GMDS: variants seen among roughly 807,000 people sequenced by gnomAD.
GMDS encodes the protein GDP-mannose 4,6 dehydratase.
In GMDS, 20 loss-of-function variants were observed where a neutral mutation model predicts 49.9. That is an observed-to-expected ratio of 0.40 (90% CI 0.28 to 0.58). The LOEUF is 0.58. Among genes scored for constraint, GMDS ranks in the 20% least tolerant of loss-of-function variants. GMDS has a pLI of 0.42. For missense variants in GMDS, 362 were observed against 481.4 expected, an observed-to-expected ratio of 0.75 and a Z score of 2.32; for synonymous variants, 177 against 178.6, an observed-to-expected ratio of 0.99 and a Z score of 0.07.
At chr6:1,695,694 G>A (rs1765312936) in intron 9 of GMDS, among the ~76,000 whole-genome samples, 1 of 152,132 alleles carries the variant, frequency 6.6e-6, no homozygotes, top group African/African-American at 2.4e-5. Flanking sequence ...GCTTTTCCCT[G>A]CAAGGCCCCT....
At chr6:1,627,269 T>C (rs1762873561) in intron 9 of GMDS, among the ~76,000 whole-genome samples, 1 of 152,232 alleles carries the variant, frequency 6.6e-6, no homozygotes, top group Non-Finnish European at 1.5e-5. Context: ...AGTCAATGGT[T>C]CATCCTGCAA....
At chr6:1,973,665 T>C (rs1219986117) in intron 4 of GMDS, among the ~76,000 whole-genome samples, 1 of 152,210 alleles carries the variant, frequency 6.6e-6, no homozygotes, top group Non-Finnish European at 1.5e-5. Context: ...AATATTATTA[T>C]AAAGTTTTAC....
rs1210456971 is a variant in GMDS, at chr6:2,229,408, C to CAAA, written c.102+15910_102+15912dup. ...GCAACATAGAGAGACCCTGTTTCTA[C>CAAA]AAAAAAAAAAAAAAAAAAAATACAA... On this transcript the variant is annotated intron_variant, in intron 1 of 10. Coordinates refer to ENST00000380815, the MANE Select transcript of GMDS (RefSeq NM_001500.4). 3.7e-4 allele frequency among the ~76,000 whole-genome samples: 33 copies of CAAA among 89,208 alleles called. 1 individual carries two copies. The highest frequency in any genetic ancestry group is 9.9e-4 in the African/African-American group (26 of 26,302). The allele number at this position is 89,208 out of a possible 152,430, so 58.5% of individuals were successfully genotyped here. A position where few individuals can be genotyped will look rare whatever the true frequency, so the allele number is the denominator to read the frequency against.
chr6:1,872,099 C>T (rs962510687), intron 7 of GMDS, among the ~76,000 whole-genome samples: 1 of 152,226 alleles, frequency 6.6e-6, no homozygotes, highest in Admixed American at 6.5e-5. Flanking sequence ...CATCCATGGT[C>T]CTCTCTATCC....
At chr6:2,214,674 C>A (rs997809895) in intron 1 of GMDS, among the ~76,000 whole-genome samples, 2 of 152,034 alleles carry the variant, frequency 1.3e-5, no homozygotes, top group African/African-American at 4.8e-5. Context: ...TCTTTTTTTA[C>A]ATAAATTTTC....
At chr6:1,790,321 A>C (rs980605630) in intron 7 of GMDS, among the ~76,000 whole-genome samples, 3 of 152,238 alleles carry the variant, frequency 2.0e-5, no homozygotes, top group Non-Finnish European at 4.4e-5. Flanking sequence ...ATGCCTCCAA[A>C]GTCTCCATGG....
At chr6:1,830,271 C>T (rs2113723293) in intron 7 of GMDS, among the ~76,000 whole-genome samples, 1 of 152,316 alleles carries the variant, frequency 6.6e-6, no homozygotes, top group Non-Finnish European at 1.5e-5. Flanking sequence ...AACCTAGGCA[C>T]TACTGACATT....
chr6:1,930,316 G>A (rs1762231970), intron 6 of GMDS, 86 bp from the exon 7 acceptor site: 1 of 1,112,508 alleles, frequency 9.0e-7, no homozygotes, highest in Admixed American at 2.0e-5. Context: ...TTCGGCCTCT[G>A]GGCATTTCTT....
At chr6:1,682,220 A>G (rs1210910833) in intron 9 of GMDS, among the ~76,000 whole-genome samples, 1 of 152,208 alleles carries the variant, frequency 6.6e-6, no homozygotes, top group Non-Finnish European at 1.5e-5. Flanking sequence ...ATTTTATTCT[A>G]TAATTTATTT....
At chr6:1,719,136 G>A (rs1228766303) in intron 9 of GMDS, among the ~76,000 whole-genome samples, 1 of 152,218 alleles carries the variant, frequency 6.6e-6, no homozygotes, top group Non-Finnish European at 1.5e-5. Context: ...AACCTGGTAA[G>A]CATTTGTCTA....
chr6:1,699,173 T>A (rs1245132474), intron 9 of GMDS, among the ~76,000 whole-genome samples: 1 of 151,928 alleles, frequency 6.6e-6, no homozygotes, highest in Non-Finnish European at 1.5e-5. Context: ...CATGGAGGCA[T>A]GGGTGAGAGG....
intron 4 of GMDS, among the ~76,000 whole-genome samples, chr6:2,042,615 T>C (rs4959629): frequency 5.9e-5 from 9 of 151,810 alleles, no homozygotes; most frequent in Admixed American, 5.3e-4. Flanking sequence ...GCTTAAAAAA[T>C]TTTTTTTAAG....
chr6:2,208,242 A>G (rs1469300778), intron 1 of GMDS, among the ~76,000 whole-genome samples: 1 of 152,156 alleles, frequency 6.6e-6, no homozygotes, highest in East Asian at 1.9e-4. Flanking sequence ...GCCATCACCC[A>G]AAACTGCTGC....
chr6:2,140,932 T>C (rs1240238738), intron 1 of GMDS, among the ~76,000 whole-genome samples: 2 of 152,146 alleles, frequency 1.3e-5, no homozygotes, highest in African/African-American at 4.8e-5. Flanking sequence ...AACTCTGCCC[T>C]GATGGAACCA....
chr6:2,127,346 A>G (rs1254734477), intron 1 of GMDS, among the ~76,000 whole-genome samples: 1 of 152,174 alleles, frequency 6.6e-6, no homozygotes. Flanking sequence ...TATACTTCTA[A>G]TCATTCTCTT....
chr6:1,742,652 G>A (rs1213042705), intron 7 of GMDS, 66 bp from the exon 8 acceptor site: 1 of 834,950 alleles, frequency 1.2e-6, no homozygotes, highest in Non-Finnish European at 2.1e-6. Flanking sequence ...GTTTTCCAGT[G>A]CACATAATCA....
intron 4 of GMDS, among the ~76,000 whole-genome samples, chr6:2,050,900 G>C (rs1770352806): frequency 6.6e-6 from 1 of 152,066 alleles, no homozygotes; most frequent in Non-Finnish European, 1.5e-5. Flanking sequence ...TCATAGGTGG[G>C]AAATGAATGA....
chr6:1,949,075 T>TA (rs2127273747), intron 6 of GMDS: 1 of 949,686 alleles, frequency 1.1e-6, no homozygotes, highest in Non-Finnish European at 1.3e-6. Context: ...AGGGAAGGAG[T>TA]AAAAAAACTA....
chr6:1,670,060 G>A (rs940485858), intron 9 of GMDS, among the ~76,000 whole-genome samples: 2 of 151,932 alleles, frequency 1.3e-5, no homozygotes, highest in Admixed American at 6.6e-5. Context: ...TGTCACAAAC[G>A]AGGGGAGATC....
Sources: gnomAD v4.1 joint callset for allele counts (sites outside exome capture counted in the v4.1 genomes callset) on GRCh38, gnomAD v4.1.1 for gene constraint, MANE v1.5 for transcripts, NCBI Gene and HGNC (gene_info 2026-07-23, HGNC 2026-07-21) for gene names.